Variants in FKBP14 observed in about 807,000 individuals in gnomAD.
FKBP14 encodes peptidyl-prolyl cis-trans isomerase FKBP14.
FKBP14 carries 20 observed loss-of-function variants against 21.6 expected under a neutral mutation model. The ratio of observed to expected loss-of-function variants is 0.92; its 90% confidence interval spans 0.65 to 1.34. FKBP14 has a LOEUF of 1.34. FKBP14 is among the 40% of genes most tolerant of loss of function. The pLI is 0.00. For synonymous variants in FKBP14, 79 were observed against 86.7 expected (o/e 0.91, Z 0.49); for missense variants, 253 against 249.0 (o/e 1.02, Z -0.11).
Position 30,026,559 on chromosome 7 carries a change from G to A in FKBP14, c.-51C>T. On this transcript the variant is annotated 5_prime_UTR_variant, in exon 1 of 4. Coordinates refer to ENST00000222803, the MANE Select transcript of FKBP14 (RefSeq NM_017946.4). ...CTACAAAAGCAGCGAAAGGTCCCTCGACTTCATAGATTTAAGAACGTAGTT... is the reference window on the plus strand; with the variant it reads ...CTACAAAAGCAGCGAAAGGTCCCTCAACTTCATAGATTTAAGAACGTAGTT... 6.6e-7 allele frequency: 1 copy of A among 1,525,156 alleles called. No individual in the cohort carries two copies. The highest frequency in any genetic ancestry group is 8.9e-7 in the Non-Finnish European group (1 of 1,126,490). The allele number at this position is 1,525,156 out of a possible 1,614,324, so 94.5% of individuals were successfully genotyped here. A position where few individuals can be genotyped will look rare whatever the true frequency, so the allele number is the denominator to read the frequency against.
In FKBP14 at chr7:30,022,684, G is replaced by A. The variant is rs148034796; in HGVS notation, c.330C>T (p.Gly110=). The A allele has an allele frequency of 3.0e-4, 490 of 1,613,596 alleles. 1 individual carries two copies. In the African/African-American group the frequency reaches 5.9e-3, roughly 19 times the overall value. The change falls in exon 2 of 4, where the codon GGC becomes GGT. Residue 110 remains glycine, a synonymous_variant. Transcript: ENST00000222803. The part of the protein sequence containing the change: ...KRKLIIPPAL[G]YGKEGKGKIP... ...TATTACCTTTTCCTTCTTTTCCATA[G>A]CCCAGAGCAGGAGGAATGATGAGCT...
intron 2 of FKBP14, among the ~76,000 whole-genome samples, chr7:30,020,719 C>T (rs1315204525): frequency 1.3e-5 from 2 of 152,032 alleles, no homozygotes; most frequent in Admixed American, 6.5e-5. Flanking sequence ...CCACAGGTAA[C>T]TAAAACGGTA....
chr7:30,022,898 T>G lies in FKBP14; in HGVS notation c.198-82A>C, dbSNP rs571624361. On this transcript the variant is annotated intron_variant, in intron 1 of 3. Transcript: ENST00000222803. The stretch of plus-strand genomic sequence containing the variant: ...AGTGCATTTTCCCACCAGTAAGTGG[T>G]TAAGTTTATTAGTTTAAAAATTTAT... The G allele has an allele frequency of 1.2e-5, 15 of 1,274,156 alleles. No homozygotes were observed. In the South Asian group the frequency reaches 2.1e-4, roughly 17 times the overall value. The allele number at this position is 1,274,156 out of a possible 1,614,324, so 78.9% of individuals were successfully genotyped here.
chr7:30,007,006 T>C (rs1187909870), downstream of FKBP14, among the ~76,000 whole-genome samples: 1 of 152,244 alleles, frequency 6.6e-6, no homozygotes, highest in Non-Finnish European at 1.5e-5. Flanking sequence ...TCAGTCTGTC[T>C]TGTTCGCTGT....
intron 3 of FKBP14, among the ~76,000 whole-genome samples, chr7:30,016,851 G>T (rs532909913): frequency 8.2e-4 from 124 of 152,030 alleles, no homozygotes; most frequent in African/African-American, 2.8e-3. Context: ...CTCTCCCCCA[G>T]CTTTCAAGAA....
chr7:30,022,745 T>C lies in FKBP14; in HGVS notation c.269A>G (p.Gln90Arg), dbSNP rs1562839274. The C allele has an allele frequency of 3.1e-6, 5 of 1,614,208 alleles. No individual in the cohort carries two copies. The highest frequency in any genetic ancestry group is 4.2e-6 in the Non-Finnish European group (5 of 1,180,030). Reference sequence around the variant, plus strand: ...TCCTACACACATTCCTTTCAAGCCCTGGTCCCAACCTTTGAGAGCCTCCAG... The same window carrying C: ...TCCTACACACATTCCTTTCAAGCCCCGGTCCCAACCTTTGAGAGCCTCCAG... The part of the protein sequence containing the change: ...GILEALKGWD[Q>R]GLKGMCVGEK... Residue 90 changes from glutamine (Q) to arginine (R), a missense_variant, in exon 2 of 4, where the codon CAG (glutamine) becomes CGG (arginine). Transcript: ENST00000222803.
downstream of FKBP14, among the ~76,000 whole-genome samples, chr7:30,010,204 C>T (rs763261976): frequency 5.3e-5 from 8 of 152,106 alleles, no homozygotes; most frequent in Non-Finnish European, 1.2e-4. Flanking sequence ...CACTGATTTA[C>T]GCAGTAGGCA....
chr7:30,019,214 A>T (rs1410344208), intron 2 of FKBP14, 91 bp from the exon 3 acceptor site: 14 of 1,306,592 alleles, frequency 1.1e-5, no homozygotes, highest in Non-Finnish European at 1.5e-5. Flanking sequence ...ATTTTTTTTA[A>T]CTGAATTAAA....
chr7:30,009,170 T>C (rs960801662), downstream of FKBP14, among the ~76,000 whole-genome samples: 6 of 152,094 alleles, frequency 3.9e-5, no homozygotes, highest in African/African-American at 1.4e-4. Context: ...TTTCCCAGGG[T>C]TATTATTATA....
intron 1 of FKBP14, among the ~76,000 whole-genome samples, chr7:30,024,137 A>G (rs1460292481): frequency 6.9e-6 from 1 of 144,206 alleles, no homozygotes; most frequent in East Asian, 1.9e-4. Flanking sequence ...TGAGAAAAAG[A>G]AGTCACTGTA....
At chr7:30,007,185 A>G (rs1789631601), downstream of FKBP14, among the ~76,000 whole-genome samples, 1 of 150,608 alleles carries the variant, frequency 6.6e-6, no homozygotes, top group Non-Finnish European at 1.5e-5. Context: ...TAAAAAAAAG[A>G]ATTCAGTCAT....
chr7:30,012,308 A>G lies in FKBP14; in HGVS notation c.*2427T>C, dbSNP rs775939136. On this transcript the variant is annotated 3_prime_UTR_variant, in exon 4 of 4. Transcript: ENST00000222803. ...AAATGTTTAGATGAGAACTGATACA[A>G]ATTCACAGGTTTTTAAAAATGCTGC... 1 of 152,264 alleles carries G rather than the reference A, an allele frequency of 6.6e-6. No individual in the cohort carries two copies. The highest frequency in any genetic ancestry group is 1.5e-5 in the Non-Finnish European group (1 of 68,042). 9.4% of individuals were successfully genotyped at this position (152,264 alleles called of 1,614,324 possible).
At chr7:30,020,791 AGAT>A (rs1397256174) in intron 2 of FKBP14, among the ~76,000 whole-genome samples, 19 of 152,342 alleles carry the variant, frequency 1.2e-4, no homozygotes, top group African/African-American at 4.3e-4. Context: ...GAGACAATAA[AGAT>A]AAAATGAAAA....
At chr7:30,020,238 A>T in intron 2 of FKBP14, 1 of 1,263,714 alleles carries the variant, frequency 7.9e-7, no homozygotes, top group Non-Finnish European at 1.0e-6. Context: ...CAGAGATGTG[A>T]CATGCGCTAG....
chr7:30,019,225 G>A, intron 2 of FKBP14, 102 bp from the exon 3 acceptor site: 1 of 1,142,698 alleles, frequency 8.8e-7, no homozygotes, highest in Non-Finnish European at 1.2e-6. Flanking sequence ...CTGAATTAAA[G>A]AGCCTTCCTA....
At chr7:30,022,062 T>C (rs1790044884) in intron 2 of FKBP14, among the ~76,000 whole-genome samples, 1 of 152,232 alleles carries the variant, frequency 6.6e-6, no homozygotes. Context: ...TTAAAAACTT[T>C]ATAAATAAAT....
intron 2 of FKBP14, 139 bp from the exon 3 acceptor site, chr7:30,019,262 GTATATTATATTTTAC>G (rs1324432013): frequency 4.0e-6 from 3 of 755,522 alleles, no homozygotes; most frequent in Non-Finnish European, 5.9e-6. Flanking sequence ...TGAAAATTAT[GTATATTATATTTTAC>G]TCGAATAGAA....
At chr7:30,023,160 G>A (rs1790080484) in intron 1 of FKBP14, among the ~76,000 whole-genome samples, 1 of 152,106 alleles carries the variant, frequency 6.6e-6, no homozygotes, top group African/African-American at 2.4e-5. Flanking sequence ...TATAATATAA[G>A]TACCATTACT....
chr7:30,017,176 CA>C (rs773478588), intron 3 of FKBP14, among the ~76,000 whole-genome samples: 42 of 111,344 alleles, frequency 3.8e-4, no homozygotes, highest in Middle Eastern at 4.5e-3. Context: ...CTCATCTCTA[CA>C]AAAAAAAAAA....
Sources: allele counts gnomAD v4.1 joint callset (sites outside exome capture counted in the v4.1 genomes callset), GRCh38; gene constraint gnomAD v4.1.1; transcripts MANE v1.5; gene names NCBI Gene and HGNC (gene_info 2026-07-23, HGNC 2026-07-21).